The following GRIA4 variants were observed in gnomAD, a reference collection of about 807,000 sequenced individuals.
The protein encoded by GRIA4 is glutamate ionotropic receptor AMPA type subunit 4, also known as glutamate receptor 4.
Under a neutral mutation model 104.0 loss-of-function variants are expected in GRIA4, and 34 were observed. That is an observed-to-expected ratio of 0.33 (90% CI 0.25 to 0.44). The LOEUF (loss-of-function observed/expected upper bound fraction) is 0.44. GRIA4 is among the 20% of genes least tolerant of loss of function. GRIA4 has a pLI of 1.00. For missense variants in GRIA4, 750 were observed against 1,096.5 expected, an observed-to-expected ratio of 0.68 and a Z score of 4.46; for synonymous variants, 386 against 381.9, an observed-to-expected ratio of 1.01 and a Z score of -0.13.
chr11:105,857,571 C>T (rs925027855), intron 4 of GRIA4, among the ~76,000 whole-genome samples: 1 of 152,044 alleles, frequency 6.6e-6, no homozygotes, highest in Non-Finnish European at 1.5e-5. Context: ...ACTGGCATAC[C>T]CTTCATCTTA....
intron 3 of GRIA4, among the ~76,000 whole-genome samples, chr11:105,646,088 C>A (rs1951519341): frequency 1.3e-5 from 2 of 152,224 alleles, no homozygotes; most frequent in Admixed American, 1.3e-4. Context: ...TTGAGGGAAA[C>A]CCATATTAGC....
chr11:105,782,130 A>G (rs888456232), intron 4 of GRIA4, among the ~76,000 whole-genome samples: 1 of 152,128 alleles, frequency 6.6e-6, no homozygotes, highest in Admixed American at 6.6e-5. Context: ...TTCCTTACCA[A>G]TATCCCTTGA....
intron 4 of GRIA4, among the ~76,000 whole-genome samples, chr11:105,800,958 A>C (rs1164148112): frequency 6.6e-6 from 1 of 151,964 alleles, no homozygotes; most frequent in African/African-American, 2.4e-5. Context: ...TCAGAACCTA[A>C]ATCAATTAAC....
chr11:105,891,938 A>C (rs1192212518), intron 6 of GRIA4, among the ~76,000 whole-genome samples: 2 of 152,080 alleles, frequency 1.3e-5, no homozygotes, highest in South Asian at 4.2e-4. Context: ...CACCCAGCTT[A>C]TGTTATTGTA....
At chr11:105,864,938 C>G (rs1591368039) in intron 5 of GRIA4, among the ~76,000 whole-genome samples, 1 of 152,130 alleles carries the variant, frequency 6.6e-6, no homozygotes, top group East Asian at 1.9e-4. Flanking sequence ...ATAATTACTT[C>G]ATTGACATCT....
At chr11:105,686,809 A>G (rs1171287455) in intron 3 of GRIA4, among the ~76,000 whole-genome samples, 1 of 152,018 alleles carries the variant, frequency 6.6e-6, no homozygotes, top group African/African-American at 2.4e-5. Flanking sequence ...TTCGATTTGT[A>G]TTTCTCTGAT....
intron 14 of GRIA4, among the ~76,000 whole-genome samples, chr11:105,939,163 C>T (rs1197118734): frequency 6.6e-6 from 1 of 152,136 alleles, no homozygotes; most frequent in African/African-American, 2.4e-5. Context: ...CAACAAATGA[C>T]TCCTGAGTGG....
intron 5 of GRIA4, among the ~76,000 whole-genome samples, chr11:105,884,530 T>G (rs1946182655): frequency 6.6e-6 from 1 of 152,204 alleles, no homozygotes; most frequent in Non-Finnish European, 1.5e-5. Context: ...TTCACAGCGT[T>G]TGTGCAGTAC....
At chr11:105,815,584 C>T (rs1383827692) in intron 4 of GRIA4, among the ~76,000 whole-genome samples, 3 of 152,006 alleles carry the variant, frequency 2.0e-5, no homozygotes, top group Non-Finnish European at 4.4e-5. Context: ...GCTGTTGATG[C>T]CGCTCCAGCT....
chr11:105,637,780 A>T (rs962702141), intron 3 of GRIA4, among the ~76,000 whole-genome samples: 7 of 152,146 alleles, frequency 4.6e-5, no homozygotes, highest in Non-Finnish European at 1.0e-4. Flanking sequence ...CTATTATAGC[A>T]TATTTTTACT....
intron 3 of GRIA4, among the ~76,000 whole-genome samples, chr11:105,660,067 A>C (rs986976498): frequency 2.0e-5 from 3 of 151,800 alleles, no homozygotes; most frequent in African/African-American, 7.2e-5. Context: ...ACAAAAGAGG[A>C]GTCAGAGAGA....
At chr11:105,731,123 A>G (rs1392125796) in intron 3 of GRIA4, among the ~76,000 whole-genome samples, 1 of 152,208 alleles carries the variant, frequency 6.6e-6, no homozygotes, top group Non-Finnish European at 1.5e-5. Flanking sequence ...TTTGAAATCT[A>G]TCCATCTGAC....
intron 4 of GRIA4, among the ~76,000 whole-genome samples, chr11:105,844,047 G>A (rs1944487966): frequency 6.6e-6 from 1 of 152,138 alleles, no homozygotes; most frequent in Admixed American, 6.6e-5. Context: ...CATAGTCCTG[G>A]TTTGTACCTG....
intron 4 of GRIA4, among the ~76,000 whole-genome samples, chr11:105,806,178 A>G (rs1942945419): frequency 6.6e-6 from 1 of 151,908 alleles, no homozygotes; most frequent in African/African-American, 2.4e-5. Context: ...TTTCTCCAAT[A>G]TCCTACAAAA....
chr11:105,678,966 T>C (rs948744656), intron 3 of GRIA4, among the ~76,000 whole-genome samples: 3 of 151,954 alleles, frequency 2.0e-5, no homozygotes, highest in Non-Finnish European at 4.4e-5. Flanking sequence ...ATGTAAAAAT[T>C]TTGTTTTGGA....
At chr11:105,802,667 T>A (rs538937877) in intron 4 of GRIA4, among the ~76,000 whole-genome samples, 13 of 152,136 alleles carry the variant, frequency 8.5e-5, no homozygotes, top group African/African-American at 2.9e-4. Context: ...CAAATAAAAA[T>A]ATTGAGTATT....
chr11:105,767,646 T>C (rs1941011924), intron 4 of GRIA4, among the ~76,000 whole-genome samples: 1 of 152,186 alleles, frequency 6.6e-6, no homozygotes, highest in African/African-American at 2.4e-5. Flanking sequence ...TATAATCTCA[T>C]AATAATAGCA....
At chr11:105,645,206 A>C (rs1468684530) in intron 3 of GRIA4, among the ~76,000 whole-genome samples, 1 of 152,242 alleles carries the variant, frequency 6.6e-6, no homozygotes, top group Non-Finnish European at 1.5e-5. Context: ...CTGCAAAAAG[A>C]CACTTTACAT....
chr11:105,612,697 C>T (rs776668922), intron 3 of GRIA4: 1 of 341,346 alleles, frequency 2.9e-6, no homozygotes, highest in East Asian at 4.7e-5. Flanking sequence ...TATTCATTAT[C>T]TGTCTAGATC....
Sources: gnomAD v4.1 joint callset for allele counts (sites outside exome capture counted in the v4.1 genomes callset) on GRCh38, gnomAD v4.1.1 for gene constraint, MANE v1.5 for transcripts, NCBI Gene and HGNC (gene_info 2026-07-23, HGNC 2026-07-21) for gene names.